The following EPS15L1 variants were observed in gnomAD, a reference collection of about 807,000 sequenced individuals.
EPS15L1 encodes epidermal growth factor receptor pathway substrate 15 like 1.
EPS15L1 carries 43 observed loss-of-function variants against 117.1 expected under a neutral mutation model. The observed-to-expected ratio is 0.37, with a 90% CI of 0.29 to 0.47. The LOEUF is 0.47. Among genes scored for constraint, EPS15L1 ranks in the 20% least tolerant of loss-of-function variants. The pLI is 0.99. For synonymous variants in EPS15L1, 459 were observed against 470.5 expected (o/e 0.98, Z 0.32); for missense variants, 981 against 1,164.0 (o/e 0.84, Z 2.29).
At chr19:16,424,358 C>T (rs1395101288) in intron 9 of EPS15L1, among the ~76,000 whole-genome samples, 2 of 142,902 alleles carry the variant, frequency 1.4e-5, no homozygotes, top group Non-Finnish European at 3.1e-5. Context: ...CTGGTAAAAT[C>T]GGTCTAGTCA....
At chr19:16,392,166 C>T in intron 19 of EPS15L1, 138 bp downstream of exon 19, 2 of 945,446 alleles carry the variant, frequency 2.1e-6, no homozygotes, top group Non-Finnish European at 3.2e-6. Flanking sequence ...GATACCAGCT[C>T]CCGGAGAACA....
At chr19:16,385,372 C>T (rs887544202) in intron 20 of EPS15L1, among the ~76,000 whole-genome samples, 161 bp from the exon 21 acceptor site, 1 of 152,184 alleles carries the variant, frequency 6.6e-6, no homozygotes, top group Admixed American at 6.5e-5. Context: ...CAGCAAGGCC[C>T]CCCTGCCCAC....
chr19:16,417,857 A>AC, intron 11 of EPS15L1, 91 bp downstream of exon 11: 1 of 1,510,834 alleles, frequency 6.6e-7, no homozygotes, highest in South Asian at 1.3e-5. Flanking sequence ...AGCACCCGCC[A>AC]CCGTGGGCTC....
At chr19:16,413,984 C>A in intron 12 of EPS15L1, 139 bp from the exon 13 acceptor site, 1 of 660,062 alleles carries the variant, frequency 1.5e-6, no homozygotes, top group Non-Finnish European at 2.7e-6. Context: ...AGCGACTGCT[C>A]GCCCTGTACA....
At chr19:16,433,982 A>T (rs2092954450) in intron 7 of EPS15L1, among the ~76,000 whole-genome samples, 1 of 151,980 alleles carries the variant, frequency 6.6e-6, no homozygotes, top group Non-Finnish European at 1.5e-5. Context: ...TAAATAAATA[A>T]ATAAATAAAT....
chr19:16,406,458 G>A (rs1009336174), intron 13 of EPS15L1, among the ~76,000 whole-genome samples: 2 of 152,222 alleles, frequency 1.3e-5, no homozygotes, highest in Non-Finnish European at 2.9e-5. Flanking sequence ...CCAGTGGGGG[G>A]CACAGAGAGA....
chr19:16,428,098 G>A (rs1317765801), intron 8 of EPS15L1, among the ~76,000 whole-genome samples: 1 of 150,938 alleles, frequency 6.6e-6, no homozygotes, highest in African/African-American at 2.4e-5. Flanking sequence ...CTACTTGGGA[G>A]GCTGAGGCAA....
chr19:16,406,756 A>G (rs1277057563), intron 13 of EPS15L1, among the ~76,000 whole-genome samples: 1 of 152,274 alleles, frequency 6.6e-6, no homozygotes, highest in Non-Finnish European at 1.5e-5. Flanking sequence ...CTTCATGCAC[A>G]GAGCAGAGAA....
chr19:16,402,501 A>T lies in EPS15L1; in HGVS notation c.1627-16T>A. 2 of 1,571,928 alleles carry T rather than the reference A, an allele frequency of 1.3e-6. No homozygotes were observed. Among genetic ancestry groups the T allele is most frequent in the Non-Finnish European group, 1.7e-6 (2 of 1,160,708 alleles). On this transcript the variant is annotated splice_polypyrimidine_tract_variant and intron_variant, in intron 15 of 23. Coordinates refer to ENST00000455140, the MANE Select transcript of EPS15L1 (RefSeq NM_001258374.3). ...TGCTCCTTGCCTGTGCAACAAAGAC[A>T]TCATCAGCATTAAGCAGGGTCAGGA...
rs996374683 is a variant in EPS15L1 at position 16,355,617 on chromosome 19, G to A, written c.*88C>T. ...GTCCCGGTCCTTGGAGTACGGTGGC[G>A]ACGGTGTGTGTGTGTATATATAGAC... On this transcript the variant is annotated 3_prime_UTR_variant, in exon 24 of 24. Transcript: ENST00000455140. 5.6e-6 allele frequency: 8 copies of A among 1,426,122 alleles called. No homozygotes were observed. Among genetic ancestry groups the A allele is most frequent in the African/African-American group, 2.8e-5 (2 of 70,832 alleles). 88.3% of individuals were successfully genotyped at this position (1,426,122 alleles called of 1,614,324 possible). A position where few individuals can be genotyped will look rare whatever the true frequency, so the allele number is the denominator to read the frequency against.
At chr19:16,469,521 T>C (rs1014544731) in intron 1 of EPS15L1, among the ~76,000 whole-genome samples, 1 of 151,694 alleles carries the variant, frequency 6.6e-6, no homozygotes, top group East Asian at 1.9e-4. Context: ...TGAGATGCTG[T>C]TGGGAAAAAA....
chr19:16,421,087 G>C (rs1270426336), intron 10 of EPS15L1, among the ~76,000 whole-genome samples: 1 of 152,260 alleles, frequency 6.6e-6, no homozygotes, highest in African/African-American at 2.4e-5. Flanking sequence ...AGACGGACCA[G>C]AGGCCCTTCC....
Position 16,355,709 on chromosome 19 carries a change from G to A in EPS15L1, c.2729C>T (p.Ala910Val), listed in dbSNP as rs1329198075. 5.9e-6 allele frequency: 9 copies of A among 1,535,528 alleles called. No individual in the cohort carries two copies. Among genetic ancestry groups the A allele is most frequent in the Non-Finnish European group, 7.8e-6 (9 of 1,146,580 alleles). The stretch of plus-strand genomic sequence containing the variant: ...CCGCCTACACACGGCCCTCGCCTAG[G>A]CGGCAGGCATGTCAGCCTTGCTGAG... ...IALSKADMPA[A>V] The change falls in exon 24 of 24, where the codon GCC becomes GTC. Residue 910 changes from alanine to valine, a missense_variant. Ala to Val is a moderately conservative substitution (Grantham distance 64). This residue lies in a region of EPS15L1 where 819 missense variants were observed against 949.0 expected (regional missense o/e 0.86). Transcript: ENST00000455140.
intron 22 of EPS15L1, among the ~76,000 whole-genome samples, chr19:16,372,910 G>A (rs1003118937): frequency 6.6e-6 from 1 of 152,222 alleles, no homozygotes; most frequent in African/African-American, 2.4e-5. Context: ...CTGCCCAGAG[G>A]ACAGAAGGAA....
intron 12 of EPS15L1, 24 bp downstream of exon 12, chr19:16,417,528 A>T (rs192423270): frequency 6.5e-4 from 1,031 of 1,593,236 alleles, no homozygotes; most frequent in Non-Finnish European, 7.8e-4. Flanking sequence ...CTGGATGTGG[A>T]GGGAAGGGCC....
chr19:16,402,003 A>C, intron 16 of EPS15L1: 2 of 1,102,708 alleles, frequency 1.8e-6, no homozygotes, highest in South Asian at 3.7e-5. Context: ...AATTTTGGTT[A>C]AGTTTGAGAA....
At chr19:16,448,910 T>C (rs187414525) in intron 1 of EPS15L1, among the ~76,000 whole-genome samples, 90 of 151,682 alleles carry the variant, frequency 5.9e-4, no homozygotes, top group Admixed American at 2.3e-3. Context: ...ATCCAACAAA[T>C]GACTACTATC....
chr19:16,391,837 A>G (rs1473429849), intron 19 of EPS15L1, among the ~76,000 whole-genome samples: 1 of 152,062 alleles, frequency 6.6e-6, no homozygotes, highest in Non-Finnish European at 1.5e-5. Context: ...TCCTGCCGTG[A>G]CGGGAGCACC....
chr19:16,389,810 C>G (rs1355522501), intron 19 of EPS15L1, among the ~76,000 whole-genome samples: 1 of 151,992 alleles, frequency 6.6e-6, no homozygotes, highest in Non-Finnish European at 1.5e-5. Flanking sequence ...TGAGATAATA[C>G]AATACTAACC....
Sources: allele counts gnomAD v4.1 joint callset (sites outside exome capture counted in the v4.1 genomes callset), GRCh38; gene constraint gnomAD v4.1.1; regional missense constraint gnomAD v4.1.1; transcripts MANE v1.5; gene names NCBI Gene and HGNC (gene_info 2026-07-23, HGNC 2026-07-21).